ROBO2: variants seen among roughly 807,000 people sequenced by gnomAD.
ROBO2 encodes the protein roundabout guidance receptor 2.
In ROBO2, 53 loss-of-function variants were observed where a neutral mutation model predicts 160.8. The ratio of observed to expected loss-of-function variants is 0.33; its 90% CI spans 0.26 to 0.41. The LOEUF is 0.41. Ranked by LOEUF, ROBO2 falls within the 10% of genes least tolerant of loss-of-function variation. The probability of loss-of-function intolerance (pLI) is 1.00; values close to 1 mark genes in which losing one functional copy is unlikely to be tolerated. For missense variants in ROBO2, 1,577 were observed against 1,722.4 expected, an observed-to-expected ratio of 0.92 and a Z score of 1.49; for synonymous variants, 664 against 611.7, an observed-to-expected ratio of 1.09 and a Z score of -1.26.
At chr3:76,837,959 T>A (rs2070940217) in intron 2 of ROBO2, among the ~76,000 whole-genome samples, 1 of 152,080 alleles carries the variant, frequency 6.6e-6, no homozygotes, top group African/African-American at 2.4e-5. Context: ...CCAACCTTTA[T>A]ATGCAGTCTT....
intron 2 of ROBO2, among the ~76,000 whole-genome samples, chr3:76,666,112 T>G (rs5014924): frequency 0.45 from 66,485 of 148,304 alleles, 15,473 homozygotes; most frequent in African/African-American, 0.57. Flanking sequence ...TTCCTATAGC[T>G]GTAAATATAG....
intron 2 of ROBO2, among the ~76,000 whole-genome samples, chr3:77,468,273 A>G (rs901521317): frequency 1.3e-5 from 2 of 152,224 alleles, no homozygotes; most frequent in East Asian, 3.9e-4. Flanking sequence ...AGGCATGCCA[A>G]CTGCTGGCTC....
chr3:75,913,492 G>A (rs547654423), intron 1 of ROBO2, among the ~76,000 whole-genome samples: 37 of 152,182 alleles, frequency 2.4e-4, no homozygotes, highest in African/African-American at 8.2e-4. Flanking sequence ...TATCTGTGGG[G>A]GTAACAATTT....
intron 7 of ROBO2, among the ~76,000 whole-genome samples, chr3:77,549,805 T>G (rs2092844751): frequency 6.6e-6 from 1 of 152,036 alleles, no homozygotes; most frequent in Non-Finnish European, 1.5e-5. Context: ...TAATTGAATG[T>G]TATTGCCTCC....
intron 7 of ROBO2, among the ~76,000 whole-genome samples, chr3:77,546,850 A>T (rs2153649670): frequency 6.6e-6 from 1 of 152,236 alleles, no homozygotes; most frequent in South Asian, 2.1e-4. Context: ...TGTGACATGG[A>T]AAACAGTCAA....
At chr3:77,028,458 G>A (rs1479340730) in intron 2 of ROBO2, among the ~76,000 whole-genome samples, 3 of 152,196 alleles carry the variant, frequency 2.0e-5, no homozygotes, top group Non-Finnish European at 4.4e-5. Context: ...GCTCATGCCT[G>A]TAGTCCCAGC....
intron 2 of ROBO2, among the ~76,000 whole-genome samples, chr3:77,428,071 A>G (rs2078384398): frequency 6.6e-6 from 1 of 151,976 alleles, no homozygotes; most frequent in South Asian, 2.1e-4. Context: ...TTACCAAGAA[A>G]GCACAACAAG....
At chr3:76,718,531 T>C (rs78806105) in intron 2 of ROBO2, among the ~76,000 whole-genome samples, 75 of 152,292 alleles carry the variant, frequency 4.9e-4, no homozygotes, top group African/African-American at 1.6e-3. Context: ...CTTGGAACAA[T>C]TTACTGAAAG....
At chr3:76,578,166 A>G (rs933836736) in intron 2 of ROBO2, among the ~76,000 whole-genome samples, 2 of 152,182 alleles carry the variant, frequency 1.3e-5, no homozygotes, top group African/African-American at 4.8e-5. Flanking sequence ...TAATAACAAT[A>G]TTGTAGGGTC....
At chr3:77,072,546 A>T (rs377753027) in intron 1 of ROBO2, among the ~76,000 whole-genome samples, 10 of 152,146 alleles carry the variant, frequency 6.6e-5, no homozygotes, top group East Asian at 3.9e-4. Context: ...ACCATGGCTA[A>T]TTCCATTTGT....
At position 76,273,255 on chromosome 3, in the gene ROBO2, A is replaced by G. The variant is rs908521299; in HGVS notation, c.109+335653A>G. The stretch of plus-strand genomic sequence containing the variant: ...AGTGAGACTCATTCAATACAGTCTG[A>G]CATTCCACAGATGTAGCAATGATGA... On this transcript the variant is annotated intron_variant, in intron 2 of 26. Coordinates refer to the ROBO2 transcript ENST00000487694. Among the ~76,000 whole-genome samples the G allele has an allele frequency of 4.0e-5, 6 of 149,276 alleles. No individual in the cohort carries two copies. The Admixed American group carries it at 4.1e-4, about 10-fold the overall frequency.
At chr3:76,056,796 C>A (rs754779761) in intron 2 of ROBO2, among the ~76,000 whole-genome samples, 5 of 152,142 alleles carry the variant, frequency 3.3e-5, no homozygotes, top group Non-Finnish European at 5.9e-5. Flanking sequence ...ACTTTATAAT[C>A]TGCAAATTGG....
At chr3:76,795,998 T>A (rs1298680308) in intron 2 of ROBO2, among the ~76,000 whole-genome samples, 2 of 152,092 alleles carry the variant, frequency 1.3e-5, no homozygotes, top group Non-Finnish European at 2.9e-5. Flanking sequence ...AGTGACTAGG[T>A]GTACTATCAA....
chr3:76,058,259 C>T (rs958012783), intron 2 of ROBO2, among the ~76,000 whole-genome samples: 3 of 152,092 alleles, frequency 2.0e-5, no homozygotes, highest in African/African-American at 7.2e-5. Flanking sequence ...CCATAACCCC[C>T]TACCCTCCAA....
At chr3:77,296,631 G>T (rs1293172207) in intron 2 of ROBO2, among the ~76,000 whole-genome samples, 1 of 152,082 alleles carries the variant, frequency 6.6e-6, no homozygotes, top group African/African-American at 2.4e-5. Context: ...GTATCCCCAG[G>T]TGATTGTGAT....
chr3:75,988,974 C>A (rs1178952436), intron 2 of ROBO2, among the ~76,000 whole-genome samples: 2 of 151,830 alleles, frequency 1.3e-5, no homozygotes, highest in Admixed American at 6.6e-5. Flanking sequence ...TTTTATAAAT[C>A]AAATGTGTAA....
intron 2 of ROBO2, among the ~76,000 whole-genome samples, chr3:76,431,531 A>C (rs1355235819): frequency 6.6e-6 from 1 of 152,170 alleles, no homozygotes. Flanking sequence ...TGTAAGCATT[A>C]ATGCCAGTGG....
At chr3:76,846,669 A>G (rs957005327) in intron 2 of ROBO2, among the ~76,000 whole-genome samples, 1 of 152,186 alleles carries the variant, frequency 6.6e-6, no homozygotes, top group Non-Finnish European at 1.5e-5. Context: ...CTCTTCAGAG[A>G]TTAAATAAGC....
intron 2 of ROBO2, among the ~76,000 whole-genome samples, chr3:76,971,113 A>G (rs1351687568): frequency 6.6e-6 from 1 of 152,208 alleles, no homozygotes. Context: ...TTATTTGTAT[A>G]TAATCACATA....
Sources: allele counts gnomAD v4.1 joint callset (sites outside exome capture counted in the v4.1 genomes callset), GRCh38; gene constraint gnomAD v4.1.1; transcripts MANE v1.5; gene names NCBI Gene and HGNC (gene_info 2026-07-23, HGNC 2026-07-21).